MDM4: variants seen among roughly 807,000 people sequenced by gnomAD.
The protein encoded by MDM4 is MDM4 regulator of p53.
Under a neutral mutation model 60.2 loss-of-function variants are expected in MDM4, and 2 were observed. That is an observed-to-expected ratio of 0.03 (90% CI 0.01 to 0.10). MDM4 has a LOEUF of 0.10. MDM4 is among the 10% of genes least tolerant of loss of function. The pLI, the probability that MDM4 is intolerant of heterozygous loss-of-function variation, is 1.00. For missense variants in MDM4, 447 were observed against 577.5 expected (o/e 0.77, Z 2.32); for synonymous variants, 202 against 198.1 (o/e 1.02, Z -0.17).
Position 204,557,907 on chromosome 1 carries a change from A to C in MDM4, c.*8225A>C, listed in dbSNP as rs1345021377. On this transcript the variant is annotated 3_prime_UTR_variant, in exon 11 of 11. Transcript: ENST00000367182. ...ATAATAAAACTTCAGTCTTTCGCTA[A>C]TAATAATAATAATAATAATAATAAC... The C allele has an allele frequency of 7.8e-6, 1 of 128,228 alleles. No individual in the cohort carries two copies. Among genetic ancestry groups the C allele is most frequent in the Non-Finnish European group, 1.6e-5 (1 of 63,816 alleles). 7.9% of individuals were successfully genotyped at this position (128,228 alleles called of 1,614,324 possible).
At position 204,542,060 on chromosome 1, in the gene MDM4, A is replaced by G. The variant is rs566108840; in HGVS notation, c.512-724A>G. Reference sequence around the variant, plus strand: ...AATTAGCTGCCCTCAGTGTCATTCAAATGTACAATGTGAGATCTTTTACTT... The same window carrying G: ...AATTAGCTGCCCTCAGTGTCATTCAGATGTACAATGTGAGATCTTTTACTT... On this transcript the variant is annotated intron_variant, in intron 7 of 10. Coordinates refer to ENST00000367182, the MANE Select transcript of MDM4 (RefSeq NM_002393.5). 2.7e-4 allele frequency among the ~76,000 whole-genome samples: 41 copies of G among 152,330 alleles called. No individual in the cohort carries two copies. In the South Asian group the frequency reaches 5.8e-3, roughly 22 times the overall value.
chr1:204,546,009 G>C (rs893761180), intron 9 of MDM4, among the ~76,000 whole-genome samples: 2 of 151,902 alleles, frequency 1.3e-5, no homozygotes, highest in African/African-American at 4.8e-5. Context: ...CTTTTGAAAC[G>C]GACTTTTTTT....
In MDM4 at chr1:204,549,706, AT is replaced by A; in HGVS notation, c.*27del. 7.7e-7 allele frequency: 1 copy of A among 1,297,024 alleles called. No individual in the cohort carries two copies. The highest frequency in any genetic ancestry group is 1.1e-6 in the Non-Finnish European group (1 of 941,172). 80.3% of individuals were successfully genotyped at this position (1,297,024 alleles called of 1,614,324 possible). A position where few individuals can be genotyped will look rare whatever the true frequency, so the allele number is the denominator to read the frequency against. On this transcript the variant is annotated 3_prime_UTR_variant, in exon 11 of 11. Transcript: ENST00000367182. ...AATGGTAGTACGAACATAAAAATGCATTTATTCCGTTCACTTACCACATTAT... is the reference window on the plus strand; with the variant it reads ...AATGGTAGTACGAACATAAAAATGCATTATTCCGTTCACTTACCACATTAT...
chr1:204,536,652 GT>G (rs1203522715), intron 5 of MDM4, among the ~76,000 whole-genome samples: 3 of 152,168 alleles, frequency 2.0e-5, no homozygotes, highest in Non-Finnish European at 2.9e-5. Context: ...GTGTAGCCAA[GT>G]TTTTGTCTTT....
intron 8 of MDM4, 44 bp from the exon 9 acceptor site, chr1:204,544,490 TA>T: frequency 6.4e-7 from 1 of 1,564,416 alleles, no homozygotes; most frequent in African/African-American, 1.4e-5. Context: ...ACATCTCTGA[TA>T]AACCTCTGAA....
At chr1:204,520,940 G>A (rs549872018) in intron 1 of MDM4, among the ~76,000 whole-genome samples, 1 of 152,262 alleles carries the variant, frequency 6.6e-6, no homozygotes, top group East Asian at 1.9e-4. Context: ...TGAATAATCA[G>A]CATATGTCTT....
At chr1:204,529,541 A>G (rs958288685) in intron 3 of MDM4, 13 of 1,495,674 alleles carry the variant, frequency 8.7e-6, no homozygotes, top group Admixed American at 6.2e-5. Context: ...AAGGCCCTCC[A>G]GGGGCAGGAC....
intron 2 of MDM4, 42 bp downstream of exon 2, chr1:204,525,638 T>C (rs535323552): frequency 6.6e-6 from 9 of 1,357,252 alleles, no homozygotes; most frequent in Non-Finnish European, 9.2e-6. Context: ...GTTTTTTTTT[T>C]TTTTAATTTT....
chr1:204,537,266 A>G (rs961307778), intron 5 of MDM4, among the ~76,000 whole-genome samples, 164 bp from the exon 6 acceptor site: 4 of 152,010 alleles, frequency 2.6e-5, no homozygotes, highest in African/African-American at 7.3e-5. Flanking sequence ...ATTTTTATCA[A>G]TTTTGATTTT....
rs1486514141 is a variant in MDM4, at chr1:204,552,694, GAC to G, written c.*3016_*3017del. On this transcript the variant is annotated 3_prime_UTR_variant, in exon 11 of 11. Coordinates refer to ENST00000367182, the MANE Select transcript of MDM4 (RefSeq NM_002393.5). ...TTTATAGGTATTTGATCCTAAATTT[GAC>G]ACATCATTGCCCATGAAAGAATCCT... 1 of 179,712 alleles carries G rather than the reference GAC, an allele frequency of 5.6e-6. No homozygotes were observed. The highest frequency in any genetic ancestry group is 1.2e-5 in the Non-Finnish European group (1 of 83,988). 11.1% of individuals were successfully genotyped at this position (179,712 alleles called of 1,614,324 possible).
At chr1:204,531,734 A>G (rs889646096) in intron 4 of MDM4, among the ~76,000 whole-genome samples, 1 of 152,138 alleles carries the variant, frequency 6.6e-6, no homozygotes, top group Non-Finnish European at 1.5e-5. Context: ...AGGGAGGCTG[A>G]GGCAGGAGAA....
chr1:204,551,200 C>A lies in MDM4; in HGVS notation c.*1518C>A, dbSNP rs958328074. 3 of 202,152 alleles carry A rather than the reference C, an allele frequency of 1.5e-5. No individual in the cohort carries two copies. The highest frequency in any genetic ancestry group is 3.0e-5 in the Non-Finnish European group (3 of 98,582). 12.5% of individuals were successfully genotyped at this position (202,152 alleles called of 1,614,324 possible). On this transcript the variant is annotated 3_prime_UTR_variant, in exon 11 of 11. Transcript: ENST00000367182. ...TGGGTCTATAGGCGCGTGCCACCAC[C>A]ATGCCCAGCTGAATTTTGTATTTTT... is the stretch of plus-strand genomic sequence containing the variant.
Position 204,552,749 on chromosome 1 carries a change from G to T in MDM4, c.*3067G>T, listed in dbSNP as rs1572536422. The T allele has an allele frequency of 5.4e-6, 1 of 185,674 alleles. No individual in the cohort carries two copies. The highest frequency in any genetic ancestry group is 1.1e-5 in the Non-Finnish European group (1 of 87,816). The allele number at this position is 185,674 out of a possible 1,614,324, so 11.5% of individuals were successfully genotyped here. ...TAGGCTGCTCAGCTTCACTCTTCCTGCTTGCCCACCGGGGTTTTTCACTGC... is the reference window on the plus strand; with the variant it reads ...TAGGCTGCTCAGCTTCACTCTTCCTTCTTGCCCACCGGGGTTTTTCACTGC... On this transcript the variant is annotated 3_prime_UTR_variant, in exon 11 of 11. Coordinates refer to ENST00000367182, the MANE Select transcript of MDM4 (RefSeq NM_002393.5).
rs534026604 is a variant in MDM4, at chr1:204,550,991, A to G, written c.*1309A>G. ...CATGTCTTGGTTTTAATTCAGATAA[A>G]CACACAAACATACTTCTCTGGCACA... On this transcript the variant is annotated 3_prime_UTR_variant, in exon 11 of 11. Coordinates refer to ENST00000367182, the MANE Select transcript of MDM4 (RefSeq NM_002393.5). 3.2e-5 allele frequency: 6 copies of G among 185,732 alleles called. No homozygotes were observed. The East Asian group carries it at 4.3e-4, about 13-fold the overall frequency. 11.5% of individuals were successfully genotyped at this position (185,732 alleles called of 1,614,324 possible).
At chr1:204,521,122 G>A (rs1659529575) in intron 1 of MDM4, among the ~76,000 whole-genome samples, 1 of 152,130 alleles carries the variant, frequency 6.6e-6, no homozygotes, top group Non-Finnish European at 1.5e-5. Flanking sequence ...GTAAAATAAG[G>A]ATAATAGCTA....
chr1:204,546,590 C>G (rs1049019040), intron 9 of MDM4, among the ~76,000 whole-genome samples: 1 of 152,196 alleles, frequency 6.6e-6, no homozygotes, highest in African/African-American at 2.4e-5. Flanking sequence ...CTTCTGGGTG[C>G]TTTTCTGTCG....
chr1:204,542,808 C>G lies in MDM4; in HGVS notation c.536C>G (p.Ala179Gly), dbSNP rs146492402. 3.7e-5 allele frequency: 59 copies of G among 1,612,034 alleles called. No homozygotes were observed. The highest frequency in any genetic ancestry group is 2.3e-4 in the Admixed American group (14 of 59,610). ...GATGAAGACTTAATTGAAAATTTAG[C>G]CCAAGATGAAACATCTAGGCTGGAC... ...REDEDLIENL[A>G]QDETSRLDLG... Residue 179 changes from alanine (A) to glycine (G), a missense_variant, in exon 8 of 11, where the codon GCC (alanine) becomes GGC (glycine). Ala to Gly is a moderately conservative substitution (Grantham distance 60, BLOSUM62 0). This residue lies in a region of MDM4 where 184 missense variants were observed against 179.3 expected (regional missense o/e 1.03). Transcript: ENST00000367182.
At chr1:204,533,279 T>C (rs150795583) in intron 5 of MDM4, among the ~76,000 whole-genome samples, 1 of 152,366 alleles carries the variant, frequency 6.6e-6, no homozygotes, top group East Asian at 1.9e-4. Context: ...AATGAAACTT[T>C]TTCCCTCTCC....
At position 204,537,837 on chromosome 1, in the gene MDM4, C is replaced by A. The variant is rs1473617005; in HGVS notation, c.411+340C>A. On this transcript the variant is annotated intron_variant, in intron 6 of 10. Transcript: ENST00000367182. The stretch of plus-strand genomic sequence containing the variant: ...CAGTTAAGTTCATGTCAGGCCATTT[C>A]CTAAAGCTTCCCCAAACCTGGGGAA... 9.2e-6 allele frequency: 6 copies of A among 655,696 alleles called. No homozygotes were observed. The East Asian group carries it at 9.4e-5, about 10-fold the overall frequency. The allele number at this position is 655,696 out of a possible 1,614,324, so 40.6% of individuals were successfully genotyped here.
Sources: gnomAD v4.1 joint callset for allele counts (sites outside exome capture counted in the v4.1 genomes callset) on GRCh38, gnomAD v4.1.1 for gene constraint, gnomAD v4.1.1 regional missense constraint, MANE v1.5 for transcripts, NCBI Gene and HGNC (gene_info 2026-07-23, HGNC 2026-07-21) for gene names.